PDGFD: variants seen among roughly 807,000 people sequenced by gnomAD.
PDGFD encodes platelet-derived growth factor D.
PDGFD carries 30 observed loss-of-function variants against 44.7 expected under a neutral mutation model. The ratio of observed to expected loss-of-function variants is 0.67; its 90% confidence interval spans 0.50 to 0.91. The LOEUF (loss-of-function observed/expected upper bound fraction) is 0.91. Ranked by LOEUF, PDGFD falls within the 40% of genes least tolerant of loss-of-function variation. PDGFD has a pLI of 0.00. For synonymous variants in PDGFD, 173 were observed against 168.4 expected (o/e 1.03, Z -0.21); for missense variants, 445 against 457.8 (o/e 0.97, Z 0.25).
chr11:104,131,801 TAAAAAA>T (rs55959221), intron 1 of PDGFD, among the ~76,000 whole-genome samples: 2 of 70,960 alleles, frequency 2.8e-5, no homozygotes, highest in Admixed American at 1.9e-4. Context: ...CAATGAACTG[TAAAAAA>T]AAAAAAAAAA....
chr11:103,934,177 T>A (rs1366226049), intron 5 of PDGFD, among the ~76,000 whole-genome samples: 1 of 152,210 alleles, frequency 6.6e-6, no homozygotes, highest in Non-Finnish European at 1.5e-5. Context: ...TCTTTTACTA[T>A]GCAAAATGGG....
At chr11:103,957,899 T>G (rs1328915402) in intron 3 of PDGFD, among the ~76,000 whole-genome samples, 1 of 152,214 alleles carries the variant, frequency 6.6e-6, no homozygotes, top group Non-Finnish European at 1.5e-5. Context: ...GGTCATACCA[T>G]GGTGTTTGGT....
intron 1 of PDGFD, among the ~76,000 whole-genome samples, chr11:104,020,511 C>T (rs2134381779): frequency 6.6e-6 from 1 of 152,158 alleles, no homozygotes; most frequent in South Asian, 2.1e-4. Flanking sequence ...ATTTTTATTA[C>T]ATCACATATG....
chr11:104,072,245 AT>A (rs1860889900), intron 1 of PDGFD, among the ~76,000 whole-genome samples: 1 of 151,834 alleles, frequency 6.6e-6, no homozygotes, highest in Admixed American at 6.6e-5. Flanking sequence ...ATGTCTTTTC[AT>A]TTATTTAAAA....
rs1052310617 is a variant in PDGFD at position 103,940,536 on chromosome 11, C to T, written c.772+2916G>A. 8.5e-5 allele frequency among the ~76,000 whole-genome samples: 13 copies of T among 152,224 alleles called. 1 individual carries two copies. The highest frequency in any genetic ancestry group is 7.9e-4 in the Admixed American group (12 of 15,250). ...CACCTAATGGACTTCCATTATCCAT[C>T]GCTATTTTCCTGTTTTCACTGTTTA... On this transcript the variant is annotated intron_variant, in intron 5 of 6. Transcript: ENST00000393158.
intron 6 of PDGFD, among the ~76,000 whole-genome samples, chr11:103,924,346 A>G (rs1393385099): frequency 6.6e-6 from 1 of 152,222 alleles, no homozygotes; most frequent in Non-Finnish European, 1.5e-5. Context: ...TCCTTGGGGT[A>G]TGATTAAAGG....
rs575734701 is a variant in PDGFD at position 104,097,926 on chromosome 11, A to T, written c.124+65878T>A. Among the ~76,000 whole-genome samples, 90 of 152,262 alleles carry T rather than the reference A, an allele frequency of 5.9e-4. 1 individual carries two copies. In the South Asian group the frequency reaches 0.018, roughly 30 times the overall value. On this transcript the variant is annotated intron_variant, in intron 1 of 6. Coordinates refer to ENST00000393158, the MANE Select transcript of PDGFD (RefSeq NM_025208.5). Reference sequence around the variant, plus strand: ...ATTTTAATTCTACGGCAAATTTCAGATACTTAAAATGGTTGTTCTATTACC... The same window carrying T: ...ATTTTAATTCTACGGCAAATTTCAGTTACTTAAAATGGTTGTTCTATTACC...
chr11:103,940,653 C>T (rs1858568839), intron 5 of PDGFD, among the ~76,000 whole-genome samples: 2 of 152,120 alleles, frequency 1.3e-5, no homozygotes, highest in South Asian at 2.1e-4. Flanking sequence ...AAATATTAAA[C>T]CTGACTTCCC....
intron 5 of PDGFD, among the ~76,000 whole-genome samples, chr11:103,932,289 T>G (rs1377905396): frequency 6.6e-6 from 1 of 152,202 alleles, no homozygotes; most frequent in African/African-American, 2.4e-5. Flanking sequence ...ATTCAATAAA[T>G]TATATGAGCT....
chr11:103,996,235 CA>C lies in PDGFD; in HGVS notation c.339del (p.Phe113LeufsTer28). Reference protein sequence around the residue: ...EAENDICRYDFVEVEDISETS... With the variant: ...EAENDICRYDXVEVEDISETS... ...GTTTCGGATATATCTTCAACTTCCA[CA>C]AAATCATACCTAGAATCAATTGGAC... On this transcript the variant is annotated frameshift_variant, in exon 3 of 7. Transcript: ENST00000393158. LOFTEE classifies it high-confidence loss of function. 4 of 1,609,792 alleles carry C rather than the reference CA, an allele frequency of 2.5e-6. No homozygotes were observed. Among genetic ancestry groups the C allele is most frequent in the Non-Finnish European group, 3.4e-6 (4 of 1,177,672 alleles).
At chr11:103,943,673 T>C in intron 4 of PDGFD, 23 bp from the exon 5 acceptor site, 4 of 1,592,000 alleles carry the variant, frequency 2.5e-6, no homozygotes, top group Non-Finnish European at 1.7e-6. Flanking sequence ...TACAGCTCAG[T>C]GTACTCAGAA....
intron 1 of PDGFD, among the ~76,000 whole-genome samples, chr11:104,022,870 G>A (rs963395524): frequency 1.3e-5 from 2 of 151,938 alleles, no homozygotes; most frequent in East Asian, 3.9e-4. Flanking sequence ...TGCTGGTAAA[G>A]TTTCCTGAAC....
intron 1 of PDGFD, among the ~76,000 whole-genome samples, chr11:104,132,463 A>G (rs1338580335): frequency 2.0e-5 from 3 of 152,018 alleles, no homozygotes; most frequent in Non-Finnish European, 4.4e-5. Flanking sequence ...GGTTTCCTGT[A>G]AACTTTTTTG....
chr11:103,995,548 C>A (rs1431782035), intron 3 of PDGFD, among the ~76,000 whole-genome samples: 2 of 152,114 alleles, frequency 1.3e-5, no homozygotes, highest in Non-Finnish European at 2.9e-5. Context: ...CTCTATTGGA[C>A]CTTTTGATTT....
At chr11:104,059,226 AT>A (rs1393539004) in intron 1 of PDGFD, among the ~76,000 whole-genome samples, 1 of 152,212 alleles carries the variant, frequency 6.6e-6, no homozygotes. Context: ...GTAAAATACT[AT>A]TTGTGTTTTT....
At chr11:103,957,681 T>C (rs1033340363) in intron 3 of PDGFD, among the ~76,000 whole-genome samples, 2 of 152,094 alleles carry the variant, frequency 1.3e-5, no homozygotes, top group Non-Finnish European at 2.9e-5. Flanking sequence ...GTTCTCGATA[T>C]AGTAAGTAAA....
At chr11:104,072,505 C>A (rs1230948868) in intron 1 of PDGFD, among the ~76,000 whole-genome samples, 1 of 151,736 alleles carries the variant, frequency 6.6e-6, no homozygotes, top group African/African-American at 2.4e-5. Context: ...TTCGGGTATA[C>A]AATCGTATCA....
Position 104,141,503 on chromosome 11 carries a change from T to C in PDGFD, c.124+22301A>G, listed in dbSNP as rs1862085531. On this transcript the variant is annotated intron_variant, in intron 1 of 6. Coordinates refer to ENST00000393158, the MANE Select transcript of PDGFD (RefSeq NM_025208.5). ...CTCTTATCTCTAAGTTTCCACTTAT[T>C]AGCTCACTGTAAATTTGAACTCCTT... 5.3e-5 allele frequency among the ~76,000 whole-genome samples: 8 copies of C among 152,218 alleles called. 1 individual carries two copies. In the South Asian group the frequency reaches 1.7e-3, roughly 32 times the overall value.
intron 5 of PDGFD, among the ~76,000 whole-genome samples, chr11:103,932,584 T>A (rs1858421622): frequency 6.6e-6 from 1 of 152,210 alleles, no homozygotes; most frequent in Non-Finnish European, 1.5e-5. Context: ...TTATCCCTTC[T>A]CTTCTAGTAC....
Sources: allele counts gnomAD v4.1 joint callset (sites outside exome capture counted in the v4.1 genomes callset), GRCh38; gene constraint gnomAD v4.1.1; transcripts MANE v1.5; gene names NCBI Gene and HGNC (gene_info 2026-07-23, HGNC 2026-07-21).